Variants in PFKFB3 observed in about 807,000 individuals in gnomAD.
The protein encoded by PFKFB3 is 6-phosphofructo-2-kinase/fructose-2,6-biphosphatase 3.
PFKFB3 carries 33 observed loss-of-function variants against 68.0 expected under a neutral mutation model. The ratio of observed to expected loss-of-function variants is 0.49; its 90% CI spans 0.37 to 0.65. The LOEUF (loss-of-function observed/expected upper bound fraction) is 0.65, where lower values mean the gene tolerates loss of function less well. Among genes scored for constraint, PFKFB3 ranks in the 30% least tolerant of loss-of-function variants. The pLI is 0.00. For synonymous variants in PFKFB3, 315 were observed against 288.2 expected (o/e 1.09, Z -0.94); for missense variants, 586 against 712.2 (o/e 0.82, Z 2.02).
chr10:6,211,767 G>A (rs1269246143), intron 1 of PFKFB3, among the ~76,000 whole-genome samples: 1 of 152,196 alleles, frequency 6.6e-6, no homozygotes, highest in Non-Finnish European at 1.5e-5. Flanking sequence ...GGCAGCCCAG[G>A]GCTTTTAGCG....
intron 1 of PFKFB3, among the ~76,000 whole-genome samples, chr10:6,179,231 C>T (rs184013738): frequency 2.1e-3 from 321 of 152,254 alleles, no homozygotes; most frequent in Non-Finnish European, 2.8e-3. Flanking sequence ...GCGTGTGAGT[C>T]GGGAAGGAAG....
chr10:6,325,569 A>C, the PFKFB3 span, among the ~76,000 whole-genome samples: 2 of 152,230 alleles, frequency 1.3e-5, no homozygotes, highest in Non-Finnish European at 2.9e-5. Context: ...CACCATTTCA[A>C]TCAGGAAAAA....
At chr10:6,298,210 C>T in the PFKFB3 span, among the ~76,000 whole-genome samples, 1 of 152,156 alleles carries the variant, frequency 6.6e-6, no homozygotes, top group African/African-American at 2.4e-5. Context: ...GCCAAACACA[C>T]TTCTCCTCTG....
At chr10:6,275,431 C>T in the PFKFB3 span, among the ~76,000 whole-genome samples, 1 of 152,264 alleles carries the variant, frequency 6.6e-6, no homozygotes, top group Non-Finnish European at 1.5e-5. The surrounding 1 kb of genome is among the most constrained non-coding windows in gnomAD (Gnocchi z 4.9). Flanking sequence ...GTAGCTGACA[C>T]TGCATGCCGG....
In PFKFB3 at chr10:6,203,058, C is replaced by T. The variant is rs1843438593; in HGVS notation, c.-203C>T. ...TGCCGGGCATCCCCAGCCTCGCTAC[C>T]CTCGCAGCACACGTCGAGCCCCGCA... On this transcript the variant is annotated 5_prime_UTR_variant, in exon 1 of 15. Coordinates refer to ENST00000379775, the MANE Select transcript of PFKFB3 (RefSeq NM_004566.4). The T allele has an allele frequency of 2.2e-6, 3 of 1,388,110 alleles. No homozygotes were observed. Among genetic ancestry groups the T allele is most frequent in the African/African-American group, 1.5e-5 (1 of 65,132 alleles). The allele number at this position is 1,388,110 out of a possible 1,614,324, so 86.0% of individuals were successfully genotyped here. A position where few individuals can be genotyped will look rare whatever the true frequency, so the allele number is the denominator to read the frequency against.
intron 1 of PFKFB3, among the ~76,000 whole-genome samples, chr10:6,165,150 G>A (rs1842091277): frequency 6.6e-6 from 1 of 152,184 alleles, no homozygotes; most frequent in African/African-American, 2.4e-5. Context: ...CTTGGGCAGA[G>A]GTCCCTGCAG....
At chr10:6,207,114 C>G (rs1466857484) in intron 1 of PFKFB3, among the ~76,000 whole-genome samples, 4 of 152,090 alleles carry the variant, frequency 2.6e-5, no homozygotes, top group African/African-American at 9.7e-5. Flanking sequence ...TGTAGCGAGC[C>G]GAGATCACGC....
intron 13 of PFKFB3, chr10:6,225,281 G>A (rs752344966): frequency 2.2e-5 from 10 of 448,692 alleles, no homozygotes; most frequent in Non-Finnish European, 3.6e-5. Context: ...CTTGGCCTTC[G>A]GATTTTGGCA....
the PFKFB3 span, among the ~76,000 whole-genome samples, chr10:6,267,954 CAA>C: frequency 6.4e-3 from 548 of 85,890 alleles, 2 homozygotes; most frequent in African/African-American, 0.02. Flanking sequence ...GACCCTATCT[CAA>C]AAAAAAAAAA....
chr10:6,260,279 G>A, the PFKFB3 span, among the ~76,000 whole-genome samples: 10 of 152,024 alleles, frequency 6.6e-5, no homozygotes, highest in African/African-American at 2.2e-4. Flanking sequence ...TGGGCATGGC[G>A]GCGGGTTCCT....
chr10:6,323,954 T>C, the PFKFB3 span, among the ~76,000 whole-genome samples: 13 of 152,178 alleles, frequency 8.5e-5, no homozygotes, highest in African/African-American at 2.7e-4. Context: ...CCAGTGTTCA[T>C]AGCAGCATTA....
At chr10:6,161,615 C>T (rs961044760) in intron 1 of PFKFB3, among the ~76,000 whole-genome samples, 7 of 97,360 alleles carry the variant, frequency 7.2e-5, no homozygotes, top group East Asian at 6.4e-4. Flanking sequence ...CATATATATA[C>T]ACACACACAC....
intron 1 of PFKFB3, among the ~76,000 whole-genome samples, chr10:6,184,099 C>G (rs1842802068): frequency 6.6e-6 from 1 of 151,914 alleles, no homozygotes; most frequent in Non-Finnish European, 1.5e-5. Context: ...GTTGCCCAGA[C>G]TGGAGTGCAG....
At chr10:6,247,970 C>T (rs546169474) in intron 14 of PFKFB3, among the ~76,000 whole-genome samples, 4 of 152,274 alleles carry the variant, frequency 2.6e-5, no homozygotes, top group African/African-American at 9.6e-5. Flanking sequence ...ATATTTGCCC[C>T]AGATCACACA....
intron 1 of PFKFB3, among the ~76,000 whole-genome samples, chr10:6,163,681 CGGGGGCGTGGCGG>C (rs1842033069): frequency 1.0e-5 from 1 of 95,630 alleles, no homozygotes; most frequent in Non-Finnish European, 2.0e-5. Flanking sequence ...GCGGGCCCGA[CGGGGGCGTGGCGG>C]GACCGGCGGG....
At chr10:6,146,598 T>A (rs2131665425) in intron 1 of PFKFB3, 2 of 1,177,332 alleles carry the variant, frequency 1.7e-6, no homozygotes, top group East Asian at 5.2e-5. Flanking sequence ...TATCTCTGAC[T>A]TCATCGCTTC....
chr10:6,249,053 C>T (rs971229368), intron 14 of PFKFB3, among the ~76,000 whole-genome samples: 1 of 151,778 alleles, frequency 6.6e-6, no homozygotes, highest in African/African-American at 2.4e-5. Flanking sequence ...ACATGCCTGT[C>T]ATCCTAGCTA....
chr10:6,276,854 G>A, the PFKFB3 span, among the ~76,000 whole-genome samples: 1 of 151,676 alleles, frequency 6.6e-6, no homozygotes, highest in Non-Finnish European at 1.5e-5. Context: ...GTGTGTGTGT[G>A]TGTGTGTGTG....
intron 1 of PFKFB3, among the ~76,000 whole-genome samples, chr10:6,194,623 T>C (rs1843124105): frequency 6.6e-6 from 1 of 152,176 alleles, no homozygotes; most frequent in African/African-American, 2.4e-5. Context: ...CGCCATCTGA[T>C]AATGGAGCAA....
Sources: gnomAD v4.1 joint callset for allele counts (sites outside exome capture counted in the v4.1 genomes callset) on GRCh38, gnomAD v4.1.1 for gene constraint, Gnocchi (gnomAD v3.1) non-coding constraint, MANE v1.5 for transcripts, NCBI Gene and HGNC (gene_info 2026-07-23, HGNC 2026-07-21) for gene names.